DMXL1: variants seen among roughly 807,000 people sequenced by gnomAD.
DMXL1 encodes Dmx like 1, also known as dmX-like protein 1.
DMXL1 carries 99 observed loss-of-function variants against 319.2 expected under a neutral mutation model. That is an observed-to-expected ratio of 0.31 (90% CI 0.26 to 0.37). The LOEUF (loss-of-function observed/expected upper bound fraction) is 0.37, where lower values mean the gene tolerates loss of function less well. DMXL1 is among the 10% of genes least tolerant of loss of function. DMXL1 has a pLI of 1.00. For synonymous variants in DMXL1, 1,385 were observed against 1,235.2 expected (o/e 1.12, Z -2.54); for missense variants, 3,745 against 3,595.6 (o/e 1.04, Z -1.06).
chr5:119,209,712 G>A (rs779650353), intron 34 of DMXL1, among the ~76,000 whole-genome samples: 4 of 152,112 alleles, frequency 2.6e-5, no homozygotes, highest in Non-Finnish European at 4.4e-5. Flanking sequence ...ATTCTAGTAG[G>A]TATGTAGTAG....
At chr5:119,075,479 T>C (rs1355558095) in intron 1 of DMXL1, among the ~76,000 whole-genome samples, 2 of 151,976 alleles carry the variant, frequency 1.3e-5, no homozygotes, top group African/African-American at 4.8e-5. Context: ...CCTCAAATGA[T>C]CCGCCCACCT....
At chr5:119,160,067 G>A (rs1459479580) in intron 19 of DMXL1, among the ~76,000 whole-genome samples, 1 of 151,436 alleles carries the variant, frequency 6.6e-6, no homozygotes, top group Non-Finnish European at 1.5e-5. Flanking sequence ...CCTTTCTTCT[G>A]CTAACTTTGG....
rs188666320 is a variant in DMXL1, at chr5:119,072,351, T to G, written c.87+695T>G. ...TCAGTATAGTGGCATTTTTCTACCT[T>G]AACTATAGGTTTTTTTTTAATAACA... is the stretch of plus-strand genomic sequence containing the variant. On this transcript the variant is annotated intron_variant, in intron 1 of 43. Coordinates refer to ENST00000539542, the MANE Select transcript of DMXL1 (RefSeq NM_001290321.3). Among the ~76,000 whole-genome samples the G allele has an allele frequency of 1.7e-3, 262 of 152,204 alleles. 1 individual carries two copies. Among genetic ancestry groups the G allele is most frequent in the African/African-American group, 6.0e-3 (247 of 41,494 alleles).
chr5:119,153,038 G>A (rs1194518197), intron 19 of DMXL1, among the ~76,000 whole-genome samples: 1 of 151,490 alleles, frequency 6.6e-6, no homozygotes, highest in Non-Finnish European at 1.5e-5. Flanking sequence ...GTACAGTGGT[G>A]TGATTTCCGC....
intron 41 of DMXL1, 47 bp downstream of exon 41, chr5:119,239,127 CTTTTTTTTATTG>C (rs939286369): frequency 1.3e-6 from 2 of 1,586,682 alleles, no homozygotes; most frequent in African/African-American, 2.7e-5. Flanking sequence ...TATAGCTGAA[CTTTTTTTTATTG>C]TTTCTGTCCT....
At chr5:119,112,620 A>G (rs1447108720) in intron 5 of DMXL1, among the ~76,000 whole-genome samples, 2 of 152,204 alleles carry the variant, frequency 1.3e-5, no homozygotes, top group Non-Finnish European at 2.9e-5. Context: ...GTAATGGGTT[A>G]ACATGTAGAA....
rs1044040268 is a variant in DMXL1, at chr5:119,247,440, A to G, written c.*221A>G. 4.8e-6 allele frequency: 2 copies of G among 419,130 alleles called. No homozygotes were observed. Among genetic ancestry groups the G allele is most frequent in the African/African-American group, 2.0e-5 (1 of 50,494 alleles). 26.0% of individuals were successfully genotyped at this position (419,130 alleles called of 1,614,324 possible). A position where few individuals can be genotyped will look rare whatever the true frequency, so the allele number is the denominator to read the frequency against. ...AGTAGAATGTGTAAGTAATGCTGTA[A>G]TAATACATATCATAGTATATTATAA... On this transcript the variant is annotated 3_prime_UTR_variant, in exon 44 of 44. Coordinates refer to ENST00000539542, the MANE Select transcript of DMXL1 (RefSeq NM_001290321.3).
At position 119,148,975 on chromosome 5, in the gene DMXL1, A is replaced by G; in HGVS notation, c.3148A>G (p.Ser1050Gly). 6.2e-7 allele frequency: 1 copy of G among 1,613,976 alleles called. No homozygotes were observed. Among genetic ancestry groups the G allele is most frequent in the Non-Finnish European group, 8.5e-7 (1 of 1,179,860 alleles). ...ITVPGRPVEV[S>G]CAHTNRLAVA... ...TGTACCTGGTAGGCCTGTAGAAGTTAGCTGTGCACATACAAATCGTTTAGC... is the reference window on the plus strand; with the variant it reads ...TGTACCTGGTAGGCCTGTAGAAGTTGGCTGTGCACATACAAATCGTTTAGC... The change falls in exon 18 of 44, where the codon AGC becomes GGC. Residue 1050 changes from serine to glycine, a missense_variant. Ser to Gly is a moderately conservative substitution (Grantham distance 56). Transcript: ENST00000539542.
chr5:119,101,135 T>G lies in DMXL1; in HGVS notation c.214-800T>G, dbSNP rs1757183703. Among the ~76,000 whole-genome samples the G allele has an allele frequency of 3.9e-5, 6 of 152,130 alleles. No homozygotes were observed. In the South Asian group the frequency reaches 1.2e-3, roughly 31 times the overall value. The stretch of plus-strand genomic sequence containing the variant: ...TATAAAGTTGAATACTCACTGCTTT[T>G]TGAAATCCCACCCATAATTAAAGGC... On this transcript the variant is annotated intron_variant, in intron 2 of 43. Coordinates refer to ENST00000539542, the MANE Select transcript of DMXL1 (RefSeq NM_001290321.3).
intron 25 of DMXL1, among the ~76,000 whole-genome samples, chr5:119,174,232 C>G (rs1013820286): frequency 6.6e-6 from 1 of 152,162 alleles, no homozygotes; most frequent in African/African-American, 2.4e-5. Context: ...GGCCCAGTCA[C>G]ACCTAGATTT....
At chr5:119,245,895 G>GT (rs1239911495) in intron 43 of DMXL1, among the ~76,000 whole-genome samples, 1 of 140,784 alleles carries the variant, frequency 7.1e-6, no homozygotes, top group African/African-American at 2.9e-5. Context: ...TTTAATCAAG[G>GT]TTAAAAAAAA....
At chr5:119,117,999 T>C (rs906791480) in intron 7 of DMXL1, among the ~76,000 whole-genome samples, 2 of 152,240 alleles carry the variant, frequency 1.3e-5, no homozygotes, top group Non-Finnish European at 2.9e-5. Flanking sequence ...TCTTTCTTTC[T>C]TCTAAACTTA....
intron 5 of DMXL1, 79 bp from the exon 6 acceptor site, chr5:119,114,396 T>C: frequency 9.9e-7 from 1 of 1,014,326 alleles, no homozygotes; most frequent in Non-Finnish European, 1.5e-6. Context: ...AACCAATTGC[T>C]GATTTATAAT....
intron 10 of DMXL1, among the ~76,000 whole-genome samples, chr5:119,130,707 G>C (rs947214991): frequency 6.6e-6 from 1 of 152,240 alleles, no homozygotes. Flanking sequence ...AACGGCTGCT[G>C]AGTATTCCAT....
At chr5:119,090,744 T>G (rs1186660291) in intron 1 of DMXL1, among the ~76,000 whole-genome samples, 3 of 151,976 alleles carry the variant, frequency 2.0e-5, no homozygotes, top group Non-Finnish European at 2.9e-5. Flanking sequence ...TTTTTGTATT[T>G]TTAGTAGAGA....
chr5:119,102,059 A>G (rs753830120), intron 3 of DMXL1, 53 bp downstream of exon 3: 4 of 1,165,868 alleles, frequency 3.4e-6, no homozygotes, highest in Non-Finnish European at 5.0e-6. Context: ...TAAGTATTGA[A>G]AGAGTGTAAA....
chr5:119,246,999 G>A lies in DMXL1; in HGVS notation c.8927G>A (p.Trp2976Ter). 6.3e-7 allele frequency: 1 copy of A among 1,597,608 alleles called. No homozygotes were observed. Residue 2976 changes from tryptophan (W) to a stop codon, truncating the protein, a stop_gained, in exon 44 of 44, where the codon TGG becomes TAG. Transcript: ENST00000539542. LOFTEE classifies it high-confidence loss of function. ...TTTGTTCTTAATATCTTTCAGATTT[G>A]GAGTCTCTCTACCTTTGGTCTTCTC... ...TGSAEGNIKIWSLSTFGLLHT... is the reference protein window; with the variant it reads ...TGSAEGNIKI
In DMXL1 at chr5:119,170,646, G is replaced by A; in HGVS notation, c.5855G>A (p.Trp1952Ter). 6.2e-7 allele frequency: 1 copy of A among 1,613,584 alleles called. No individual in the cohort carries two copies. The highest frequency in any genetic ancestry group is 8.5e-7 in the Non-Finnish European group (1 of 1,179,900). Residue 1952 changes from tryptophan (W) to a stop codon, truncating the protein, a stop_gained, in exon 24 of 44, where the codon TGG (tryptophan) becomes TAG (stop). Transcript: ENST00000539542. LOFTEE classifies it high-confidence loss of function. ...KQSNSTLSFDWSQPSVVFQDD... is the reference protein window; with the variant it reads ...KQSNSTLSFD ...TCAAACTCCACTCTTTCTTTTGACTGGAGCCAACCAAGTGTTGTGTTTCAG... is the reference window on the plus strand; with the variant it reads ...TCAAACTCCACTCTTTCTTTTGACTAGAGCCAACCAAGTGTTGTGTTTCAG...
At chr5:119,184,676 C>G (rs10477584) in intron 28 of DMXL1, among the ~76,000 whole-genome samples, 41,425 of 152,070 alleles carry the variant, frequency 0.27, 6,015 homozygotes, top group Non-Finnish European at 0.34. Context: ...AATCACTATT[C>G]TACTCTGTTT....
Sources: allele counts gnomAD v4.1 joint callset (sites outside exome capture counted in the v4.1 genomes callset), GRCh38; gene constraint gnomAD v4.1.1; transcripts MANE v1.5; gene names NCBI Gene and HGNC (gene_info 2026-07-23, HGNC 2026-07-21).